Variants in SBF2 observed in about 807,000 individuals in gnomAD.
The protein encoded by SBF2 is myotubularin-related protein 13.
In SBF2, 112 loss-of-function variants were observed where a neutral mutation model predicts 225.2. The ratio of observed to expected loss-of-function variants is 0.50; its 90% CI spans 0.43 to 0.58. The LOEUF is 0.58. Among genes scored for constraint, SBF2 ranks in the 20% least tolerant of loss-of-function variants. The probability of loss-of-function intolerance (pLI) is 0.00; values close to 1 mark genes in which losing one functional copy is unlikely to be tolerated. For synonymous variants in SBF2, 763 were observed against 773.3 expected (o/e 0.99, Z 0.22); for missense variants, 1,996 against 2,206.2 (o/e 0.90, Z 1.91).
At chr11:10,294,309 A>C (rs2133634397), upstream of SBF2, 2 of 338,746 alleles carry the variant, frequency 5.9e-6, no homozygotes, top group Non-Finnish European at 1.1e-5. Context: ...GCCCACCTCC[A>C]CCCTCCGCGG....
In SBF2 at chr11:9,949,775, G is replaced by A. The variant is rs147089859; in HGVS notation, c.1860+12182C>T. ...GGAATCAGAGTTACTCGAGATTCACGTTTTATTAAAAACATAATGCTGACT... is the reference window on the plus strand; with the variant it reads ...GGAATCAGAGTTACTCGAGATTCACATTTTATTAAAAACATAATGCTGACT... On this transcript the variant is annotated intron_variant, in intron 16 of 39. Transcript: ENST00000256190. Among the ~76,000 whole-genome samples the A allele has an allele frequency of 1.3e-3, 199 of 151,888 alleles. 2 individuals are homozygous for A. Among genetic ancestry groups the A allele is most frequent in the Admixed American group, 0.011 (163 of 15,244 alleles).
At position 10,002,658 on chromosome 11, in the gene SBF2, T is replaced by G. The variant is rs200293270; in HGVS notation, c.651A>C (p.Ala217=). 6.2e-7 allele frequency: 1 copy of G among 1,613,284 alleles called. No individual in the cohort carries two copies. Among genetic ancestry groups the G allele is most frequent in the African/African-American group, 1.3e-5 (1 of 74,918 alleles). The change falls in exon 7 of 40, where the codon GCA becomes GCC. Residue 217 remains alanine, a synonymous_variant. Coordinates refer to ENST00000256190, the MANE Select transcript of SBF2 (RefSeq NM_030962.4). ...AGAGAACCTTATTTTCTGTGAGGAC[T>G]GCACAAAAGAGGCTGAGGACATTTT... The part of the protein sequence containing the change: ...GIQNVLSLFC[A]VLTENKVLFH...
At chr11:9,847,153 C>G in intron 22 of SBF2, 70 bp from the exon 23 acceptor site, 1 of 1,561,066 alleles carries the variant, frequency 6.4e-7, no homozygotes, top group Non-Finnish European at 8.8e-7. Flanking sequence ...CTACTGCTTA[C>G]TTCATCAGTC....
chr11:9,962,718 T>C (rs1360366853), intron 15 of SBF2, among the ~76,000 whole-genome samples: 1 of 152,194 alleles, frequency 6.6e-6, no homozygotes, highest in African/African-American at 2.4e-5. Flanking sequence ...CCTCCTTCAG[T>C]TCACCATGTA....
intron 16 of SBF2, chr11:9,957,727 G>A (rs1158909169): frequency 2.0e-5 from 3 of 152,020 alleles, no homozygotes; most frequent in South Asian, 2.1e-4. Context: ...CCAAAGTGCT[G>A]GAATTACAGG....
At chr11:10,035,413 T>C (rs893647870) in intron 3 of SBF2, among the ~76,000 whole-genome samples, 1 of 151,936 alleles carries the variant, frequency 6.6e-6, no homozygotes, top group African/African-American at 2.4e-5. Flanking sequence ...AATTGACAAA[T>C]GGGATCTAAT....
intron 13 of SBF2, among the ~76,000 whole-genome samples, chr11:9,975,665 A>C (rs1436451298): frequency 6.6e-6 from 1 of 152,230 alleles, no homozygotes; most frequent in Non-Finnish European, 1.5e-5. Flanking sequence ...ATAAGTGAAC[A>C]AAGAAATCAG....
At chr11:9,856,811 G>T (rs1275451511) in intron 18 of SBF2, 91 bp from the exon 19 acceptor site, 133 of 1,293,826 alleles carry the variant, frequency 1.0e-4, no homozygotes, top group Non-Finnish European at 1.4e-4. Context: ...TTTTTGAGAC[G>T]GAGTCTCGCT....
At chr11:10,239,047 T>C (rs1565389714) in intron 1 of SBF2, among the ~76,000 whole-genome samples, 1 of 150,956 alleles carries the variant, frequency 6.6e-6, no homozygotes, top group Middle Eastern at 3.5e-3. Flanking sequence ...ATTATACATA[T>C]ATACACACAT....
chr11:10,229,826 G>C (rs1251282656), intron 1 of SBF2, among the ~76,000 whole-genome samples: 3 of 152,156 alleles, frequency 2.0e-5, no homozygotes, highest in Admixed American at 2.0e-4. Flanking sequence ...ATGTCTATTA[G>C]GTCCGCTTGG....
intron 2 of SBF2, among the ~76,000 whole-genome samples, chr11:10,066,110 C>A (rs1213511987): frequency 1.3e-5 from 2 of 152,016 alleles, no homozygotes. Flanking sequence ...CAGATGGCTT[C>A]ACTGGTAAAT....
intron 39 of SBF2, chr11:9,780,927 T>C: frequency 3.3e-6 from 1 of 304,724 alleles, no homozygotes; most frequent in Non-Finnish European, 6.4e-6. Flanking sequence ...GTGTCCCCTT[T>C]CTTTAGTTGG....
At chr11:9,788,467 C>T (rs925410368) in intron 35 of SBF2, among the ~76,000 whole-genome samples, 2 of 152,186 alleles carry the variant, frequency 1.3e-5, no homozygotes, top group African/African-American at 4.8e-5. Context: ...AGTAAAGCAC[C>T]CACAGAAGCC....
At chr11:10,159,817 G>A (rs1696067240) in intron 2 of SBF2, among the ~76,000 whole-genome samples, 1 of 152,004 alleles carries the variant, frequency 6.6e-6, no homozygotes, top group African/African-American at 2.4e-5. Flanking sequence ...ATGAACCCGG[G>A]AGGCAGAGCT....
chr11:9,785,187 A>G lies in SBF2; in HGVS notation c.5169T>C (p.Asn1723=), dbSNP rs1452599195. Residue 1723 remains asparagine, a synonymous_variant, in exon 37 of 40, where the codon AAT becomes AAC. Transcript: ENST00000256190. ...GCGTGGCTGCTCTTCGCTCCACTCC[A>G]TTGGATGGGGAGATGCTGGAATTCT... ...EEQNSSISPS[N]GVERRAATLY... The G allele has an allele frequency of 1.9e-6, 3 of 1,614,028 alleles. No individual in the cohort carries two copies. Among genetic ancestry groups the G allele is most frequent in the Non-Finnish European group, 2.5e-6 (3 of 1,180,018 alleles).
chr11:9,964,019 G>C (rs759831193), intron 14 of SBF2, 137 bp from the exon 15 acceptor site: 36 of 635,666 alleles, frequency 5.7e-5, no homozygotes, highest in Middle Eastern at 8.5e-4. Flanking sequence ...GGGAGGCTGA[G>C]GTGGGATGAT....
chr11:10,167,745 C>T (rs1462787951), intron 2 of SBF2, among the ~76,000 whole-genome samples: 1 of 151,964 alleles, frequency 6.6e-6, no homozygotes, highest in East Asian at 1.9e-4. Flanking sequence ...CGGCCAAGCA[C>T]GGTGGCTCAT....
intron 26 of SBF2, among the ~76,000 whole-genome samples, chr11:9,837,533 C>T (rs1855807303): frequency 6.6e-6 from 1 of 152,220 alleles, no homozygotes; most frequent in Non-Finnish European, 1.5e-5. Context: ...ACAATAAACT[C>T]CACTTGATCT....
At chr11:10,194,752 C>T (rs1427366464) in intron 1 of SBF2, among the ~76,000 whole-genome samples, 1 of 152,072 alleles carries the variant, frequency 6.6e-6, no homozygotes, top group Non-Finnish European at 1.5e-5. Context: ...CTCAAGTGGT[C>T]CACCTGCCCT....
Sources: gnomAD v4.1 joint callset for allele counts (sites outside exome capture counted in the v4.1 genomes callset) on GRCh38, gnomAD v4.1.1 for gene constraint, MANE v1.5 for transcripts, NCBI Gene and HGNC (gene_info 2026-07-23, HGNC 2026-07-21) for gene names.